The following SCEL variants were observed in gnomAD, a reference collection of about 807,000 sequenced individuals.
SCEL encodes the protein sciellin.
Under a neutral mutation model 117.6 loss-of-function variants are expected in SCEL, and 113 were observed. That is an observed-to-expected ratio of 0.96 (90% CI 0.83 to 1.12). SCEL has a LOEUF of 1.12. SCEL is among the 50% of genes most tolerant of loss of function. The pLI is 0.00. For missense variants in SCEL, 785 were observed against 810.8 expected, an observed-to-expected ratio of 0.97 and a Z score of 0.39; for synonymous variants, 270 against 256.2, an observed-to-expected ratio of 1.05 and a Z score of -0.51.
chr13:77,543,332 C>G (rs2083823732), intron 1 of SCEL, among the ~76,000 whole-genome samples: 1 of 152,098 alleles, frequency 6.6e-6, no homozygotes, highest in Non-Finnish European at 1.5e-5. Context: ...ATCCGCCCGC[C>G]TCGGCCTCCC....
chr13:77,609,101 G>GA lies in SCEL; in HGVS notation c.1267dup (p.Ser423LysfsTer3). The GA allele has an allele frequency of 6.3e-7, 1 of 1,596,534 alleles. No homozygotes were observed. The highest frequency in any genetic ancestry group is 1.2e-5 in the South Asian group (1 of 86,592). ...CTTCATCAAAGTGTATCCAGGAACA[G>GA]AAAAAAGTACTGAAGGGTAAGATTT... On this transcript the variant is annotated frameshift_variant, in exon 21 of 33. Transcript: ENST00000349847. LOFTEE classifies it high-confidence loss of function.
At chr13:77,643,064 G>T (rs1003673823) in intron 32 of SCEL, among the ~76,000 whole-genome samples, 1 of 151,956 alleles carries the variant, frequency 6.6e-6, no homozygotes, top group South Asian at 2.1e-4. Flanking sequence ...AAAATTTTCC[G>T]TTTTTTTCCA....
intron 22 of SCEL, among the ~76,000 whole-genome samples, chr13:77,612,456 C>CTTTTT (rs71102764): frequency 1.4e-3 from 135 of 93,560 alleles, no homozygotes; most frequent in East Asian, 4.0e-3. Context: ...TTTTTCTTTT[C>CTTTTT]TTTTTTTTTT....
chr13:77,538,591 C>T lies in SCEL; in HGVS notation c.-20+2767C>T, dbSNP rs775742357. The stretch of plus-strand genomic sequence containing the variant: ...CACGTACTAGACTTTCATTTCATGT[C>T]GATTACTAAATTTTTTAAGGACATG... On this transcript the variant is annotated intron_variant, in intron 1 of 32. Transcript: ENST00000349847. Among the ~76,000 whole-genome samples, 33 of 152,122 alleles carry T rather than the reference C, an allele frequency of 2.2e-4. 1 individual carries two copies. Among genetic ancestry groups the T allele is most frequent in the Middle Eastern group, 3.4e-3 (1 of 294 alleles).
intron 11 of SCEL, among the ~76,000 whole-genome samples, chr13:77,591,958 A>T (rs1041786866): frequency 2.6e-5 from 4 of 152,092 alleles, no homozygotes; most frequent in African/African-American, 9.7e-5. Context: ...CTTCTAATTT[A>T]TGCTTGTTGT....
At chr13:77,612,568 TCG>T (rs2088737208) in intron 22 of SCEL, among the ~76,000 whole-genome samples, 3 of 150,488 alleles carry the variant, frequency 2.0e-5, no homozygotes, top group African/African-American at 7.3e-5. Flanking sequence ...ATATTTTCTC[TCG>T]TGCATTGTAA....
chr13:77,550,667 T>G (rs2084267831), intron 1 of SCEL, among the ~76,000 whole-genome samples: 1 of 152,152 alleles, frequency 6.6e-6, no homozygotes, highest in Non-Finnish European at 1.5e-5. Context: ...TGTTTCAAGT[T>G]TCATCCACAT....
Position 77,568,281 on chromosome 13 carries a change from TTC to T in SCEL, c.360-8_360-7del. 1 of 1,542,640 alleles carries T rather than the reference TTC, an allele frequency of 6.5e-7. No individual in the cohort carries two copies. On this transcript the variant is annotated splice_polypyrimidine_tract_variant and intron_variant, in intron 6 of 32. Coordinates refer to ENST00000349847, the MANE Select transcript of SCEL (RefSeq NM_144777.3). ...CTTCATTGTTCAAACTTTGCTTTCT[TTC>T]TCTCTTACCAGGAGCATGTCCATGT...
rs767490217 is a variant in SCEL at position 77,563,908 on chromosome 13, C to T, written c.290+9C>T. ...GATGACACTTTGGACAGGTAAGGGG[C>T]TTTTGAACCATATAAATGGAATGCA... On this transcript the variant is annotated intron_variant, in intron 5 of 32. Transcript: ENST00000349847. The T allele has an allele frequency of 6.4e-7, 1 of 1,550,468 alleles. No individual in the cohort carries two copies. The highest frequency in any genetic ancestry group is 1.2e-5 in the South Asian group (1 of 80,308).
At chr13:77,629,213 C>T (rs1398146950) in intron 28 of SCEL, among the ~76,000 whole-genome samples, 1 of 152,034 alleles carries the variant, frequency 6.6e-6, no homozygotes, top group African/African-American at 2.4e-5. Flanking sequence ...GGGAGATTGT[C>T]CATTCTTGAC....
intron 1 of SCEL, among the ~76,000 whole-genome samples, chr13:77,554,946 C>T (rs1034387309): frequency 3.3e-5 from 5 of 152,082 alleles, no homozygotes; most frequent in Non-Finnish European, 7.3e-5. Context: ...TTCAGGAAGA[C>T]CCAGAGCTAA....
Position 77,644,434 on chromosome 13 carries a change from A to C in SCEL, c.*160A>C. On this transcript the variant is annotated 3_prime_UTR_variant, in exon 33 of 33. Transcript: ENST00000349847. The stretch of plus-strand genomic sequence containing the variant: ...TTGCATAAGTAATCTAATTGTCTTC[A>C]ATAAGGTCACACACATAAAAAGAGC... The C allele has an allele frequency of 1.4e-6, 1 of 697,578 alleles. No homozygotes were observed. The allele number at this position is 697,578 out of a possible 1,614,324, so 43.2% of individuals were successfully genotyped here.
At chr13:77,604,327 T>A in intron 18 of SCEL, 29 bp from the exon 19 acceptor site, 1 of 1,378,696 alleles carries the variant, frequency 7.3e-7, no homozygotes, top group Non-Finnish European at 1.0e-6. Context: ...TTTAACATCA[T>A]TCATTAAAAT....
chr13:77,644,446 C>T lies in SCEL; in HGVS notation c.*172C>T, dbSNP rs748769697. 1.9e-5 allele frequency: 12 copies of T among 642,884 alleles called. No individual in the cohort carries two copies. The highest frequency in any genetic ancestry group is 3.7e-5 in the African/African-American group (2 of 54,246). 39.8% of individuals were successfully genotyped at this position (642,884 alleles called of 1,614,324 possible). On this transcript the variant is annotated 3_prime_UTR_variant, in exon 33 of 33. Coordinates refer to ENST00000349847, the MANE Select transcript of SCEL (RefSeq NM_144777.3). ...TCTAATTGTCTTCAATAAGGTCACA[C>T]ACATAAAAAGAGCCATCTGGTCTCT...
intron 27 of SCEL, among the ~76,000 whole-genome samples, chr13:77,627,474 T>C (rs1384432863): frequency 6.6e-6 from 1 of 152,184 alleles, no homozygotes; most frequent in Non-Finnish European, 1.5e-5. Flanking sequence ...CAATTATTGA[T>C]TGTACATTTC....
chr13:77,594,105 C>T (rs1024068320), intron 12 of SCEL, among the ~76,000 whole-genome samples: 2 of 152,148 alleles, frequency 1.3e-5, no homozygotes, highest in African/African-American at 4.8e-5. Context: ...AGTTTAAAAC[C>T]TCATTGACTC....
At chr13:77,560,016 G>A (rs1162174772) in intron 4 of SCEL, among the ~76,000 whole-genome samples, 153 bp downstream of exon 4, 1 of 152,108 alleles carries the variant, frequency 6.6e-6, no homozygotes, top group Non-Finnish European at 1.5e-5. Context: ...ATCATCAGAG[G>A]TTTCCACAAG....
At position 77,593,549 on chromosome 13, in the gene SCEL, C is replaced by T; in HGVS notation, c.728C>T (p.Thr243Ile). Residue 243 changes from threonine (T) to isoleucine (I), a missense_variant, in exon 12 of 33, where the codon ACT (threonine) becomes ATT (isoleucine). Thr to Ile is a moderately conservative substitution (Grantham distance 89). Coordinates refer to ENST00000349847, the MANE Select transcript of SCEL (RefSeq NM_144777.3). The part of the protein sequence containing the change: ...QDLDNIVKVA[T>I]SLQRSDKGEE... ...CTTGATAACATCGTCAAAGTGGCCA[C>T]TTCACTTCAGAGAAGTGACAAAGGG... is the stretch of plus-strand genomic sequence containing the variant. 1.2e-6 allele frequency: 2 copies of T among 1,613,180 alleles called. No homozygotes were observed. Among genetic ancestry groups the T allele is most frequent in the South Asian group, 1.1e-5 (1 of 91,020 alleles).
At chr13:77,577,804 T>C (rs1373644372) in intron 9 of SCEL, among the ~76,000 whole-genome samples, 1 of 152,168 alleles carries the variant, frequency 6.6e-6, no homozygotes, top group African/African-American at 2.4e-5. Context: ...ATCCCTATTA[T>C]TGGGCGTTTC....
Sources: allele counts gnomAD v4.1 joint callset (sites outside exome capture counted in the v4.1 genomes callset), GRCh38; gene constraint gnomAD v4.1.1; transcripts MANE v1.5; gene names NCBI Gene and HGNC (gene_info 2026-07-23, HGNC 2026-07-21).